The following CDS1 variants were observed in gnomAD, a reference collection of about 807,000 sequenced individuals.
CDS1 encodes phosphatidate cytidylyltransferase 1.
A neutral mutation model predicts 62.1 loss-of-function variants in CDS1; 41 were observed. That is an observed-to-expected ratio of 0.66 (90% confidence interval 0.51 to 0.86). The LOEUF (loss-of-function observed/expected upper bound fraction) is 0.86. Ranked by LOEUF, CDS1 falls within the 40% of genes least tolerant of loss-of-function variation. The pLI, the probability that CDS1 is intolerant of heterozygous loss-of-function variation, is 0.00. For missense variants in CDS1, 470 were observed against 550.1 expected (o/e 0.85, Z 1.46); for synonymous variants, 185 against 192.6 (o/e 0.96, Z 0.32).
chr4:84,620,690 A>G (rs1312126770), intron 5 of CDS1, among the ~76,000 whole-genome samples: 1 of 152,084 alleles, frequency 6.6e-6, no homozygotes, highest in Non-Finnish European at 1.5e-5. Context: ...TAAGCAATTG[A>G]TTTTTTTAAA....
intron 1 of CDS1, among the ~76,000 whole-genome samples, chr4:84,589,399 A>G (rs989921987): frequency 5.3e-5 from 8 of 152,146 alleles, no homozygotes; most frequent in Admixed American, 3.9e-4. Context: ...ATTTTGGTAC[A>G]CTTCACTACA....
intron 5 of CDS1, among the ~76,000 whole-genome samples, chr4:84,630,655 A>G (rs1345684983): frequency 3.3e-5 from 5 of 152,148 alleles, no homozygotes; most frequent in Admixed American, 6.5e-5. Flanking sequence ...AAGATACTGC[A>G]GAGGCTGGGT....
At chr4:84,609,380 A>G (rs1484356042) in intron 2 of CDS1, 49 bp from the exon 3 acceptor site, 1 of 1,241,214 alleles carries the variant, frequency 8.1e-7, no homozygotes. Flanking sequence ...GAAACCACAC[A>G]AAAAACCTTA....
intron 1 of CDS1, among the ~76,000 whole-genome samples, chr4:84,590,221 A>G (rs1489618830): frequency 6.6e-6 from 1 of 152,230 alleles, no homozygotes; most frequent in Non-Finnish European, 1.5e-5. Context: ...AAACATTTTC[A>G]AAGAGTCTTA....
chr4:84,650,636 A>C lies in CDS1; in HGVS notation c.*1950A>C, dbSNP rs1439585498. Reference sequence around the variant, plus strand: ...GCATTGAAATCCAGAATTATAAGAAAGCATTACTGAATATGTGTGTTATAA... The same window carrying C: ...GCATTGAAATCCAGAATTATAAGAACGCATTACTGAATATGTGTGTTATAA... On this transcript the variant is annotated 3_prime_UTR_variant, in exon 13 of 13. Coordinates refer to ENST00000295887, the MANE Select transcript of CDS1 (RefSeq NM_001263.4). The C allele has an allele frequency of 4.6e-5, 7 of 152,214 alleles. No individual in the cohort carries two copies. The highest frequency in any genetic ancestry group is 3.8e-4 in the East Asian group (2 of 5,196). 9.4% of individuals were successfully genotyped at this position (152,214 alleles called of 1,614,324 possible).
At chr4:84,643,230 A>C in intron 11 of CDS1, 87 bp downstream of exon 11, 1 of 1,334,136 alleles carries the variant, frequency 7.5e-7, no homozygotes, top group African/African-American at 1.4e-5. Flanking sequence ...CATGATCTAC[A>C]TTAAGCCCCT....
intron 5 of CDS1, among the ~76,000 whole-genome samples, chr4:84,630,872 G>A (rs1454683517): frequency 6.6e-6 from 1 of 152,048 alleles, no homozygotes; most frequent in Non-Finnish European, 1.5e-5. Context: ...ATTAAATTTG[G>A]TTTATATATT....
intron 1 of CDS1, among the ~76,000 whole-genome samples, chr4:84,595,788 C>T (rs549348659): frequency 3.6e-4 from 55 of 152,192 alleles, no homozygotes; most frequent in Non-Finnish European, 6.9e-4. Flanking sequence ...TTAATTTTCT[C>T]TGTTCTTTTG....
intron 5 of CDS1, among the ~76,000 whole-genome samples, chr4:84,629,343 A>G (rs1286143115): frequency 6.7e-6 from 1 of 149,664 alleles, no homozygotes; most frequent in Non-Finnish European, 1.5e-5. Context: ...CCAACTGTGG[A>G]TTGAAAATAC....
At chr4:84,616,389 T>G (rs571217267) in intron 3 of CDS1, among the ~76,000 whole-genome samples, 1 of 152,190 alleles carries the variant, frequency 6.6e-6, no homozygotes, top group African/African-American at 2.4e-5. Flanking sequence ...AAAAAATAAC[T>G]TAAAAATACC....
chr4:84,621,956 C>T (rs1027543290), intron 5 of CDS1, among the ~76,000 whole-genome samples: 2 of 152,160 alleles, frequency 1.3e-5, no homozygotes, highest in African/African-American at 4.8e-5. Context: ...GAAGACCATA[C>T]TAAAATTTTG....
intron 5 of CDS1, among the ~76,000 whole-genome samples, chr4:84,628,205 T>C (rs1034016524): frequency 2.6e-5 from 4 of 152,156 alleles, no homozygotes; most frequent in Non-Finnish European, 5.9e-5. Context: ...GTATTCAATC[T>C]TGGGCCCATC....
intron 5 of CDS1, among the ~76,000 whole-genome samples, chr4:84,624,614 T>C (rs1010589966): frequency 7.4e-4 from 112 of 152,310 alleles, no homozygotes; most frequent in African/African-American, 2.6e-3. Flanking sequence ...TCTATATTGA[T>C]ATACAGCAAT....
chr4:84,632,035 A>G (rs1226056433), intron 6 of CDS1, among the ~76,000 whole-genome samples, 158 bp downstream of exon 6: 1 of 152,200 alleles, frequency 6.6e-6, no homozygotes, highest in Non-Finnish European at 1.5e-5. Flanking sequence ...ATAAACTATT[A>G]AAGTTGAGAA....
chr4:84,611,034 A>G (rs1730974853), intron 3 of CDS1, among the ~76,000 whole-genome samples: 1 of 152,254 alleles, frequency 6.6e-6, no homozygotes, highest in African/African-American at 2.4e-5. Context: ...GACTTTCCAG[A>G]GGCACAGTGC....
chr4:84,645,194 T>G (rs201969515), intron 11 of CDS1, 28 bp from the exon 12 acceptor site: 1 of 1,468,812 alleles, frequency 6.8e-7, no homozygotes, highest in Non-Finnish European at 9.5e-7. Context: ...TTTTGAAAAT[T>G]TGCTAATATA....
At chr4:84,599,251 C>T (rs1000296451) in intron 1 of CDS1, among the ~76,000 whole-genome samples, 2 of 151,838 alleles carry the variant, frequency 1.3e-5, no homozygotes, top group African/African-American at 4.8e-5. Flanking sequence ...AGTCTCCACC[C>T]TAATTACCTA....
chr4:84,621,565 G>C (rs561650063), intron 5 of CDS1, among the ~76,000 whole-genome samples: 2 of 152,156 alleles, frequency 1.3e-5, no homozygotes, highest in East Asian at 3.9e-4. Context: ...TTACATTCAG[G>C]TTTTTTGTTA....
intron 1 of CDS1, among the ~76,000 whole-genome samples, chr4:84,587,768 T>C (rs1722464647): frequency 2.0e-5 from 3 of 152,118 alleles, no homozygotes; most frequent in Admixed American, 2.0e-4. Context: ...GACAGAGTGA[T>C]TACCTGAACC....
Sources: gnomAD v4.1 joint callset for allele counts (sites outside exome capture counted in the v4.1 genomes callset) on GRCh38, gnomAD v4.1.1 for gene constraint, MANE v1.5 for transcripts, NCBI Gene and HGNC (gene_info 2026-07-23, HGNC 2026-07-21) for gene names.